Variants in IL12B observed in about 807,000 individuals in gnomAD.
The protein encoded by IL12B is interleukin-12 subunit beta.
In IL12B, 27 loss-of-function variants were observed where a neutral mutation model predicts 39.2. That is an observed-to-expected ratio of 0.69 (90% CI 0.51 to 0.95). The LOEUF is 0.95. IL12B is among the 40% of genes least tolerant of loss of function. The pLI, the probability that IL12B is intolerant of heterozygous loss-of-function variation, is 0.00. For missense variants in IL12B, 351 were observed against 397.6 expected (o/e 0.88, Z 1.00); for synonymous variants, 142 against 152.1 (o/e 0.93, Z 0.49).
intron 1 of IL12B, among the ~76,000 whole-genome samples, 184 bp downstream of exon 1, chr5:159,330,248 T>C (rs1754254802): frequency 6.6e-6 from 1 of 152,226 alleles, no homozygotes; most frequent in Admixed American, 6.5e-5. Flanking sequence ...ATGGACACTG[T>C]ACATCGGTCC....
At chr5:159,328,883 G>A (rs917504962) in intron 1 of IL12B, among the ~76,000 whole-genome samples, 3 of 152,210 alleles carry the variant, frequency 2.0e-5, no homozygotes, top group African/African-American at 7.2e-5. Flanking sequence ...ACAGAGCACT[G>A]TCCAGGAGAG....
chr5:159,323,132 C>A lies in IL12B; in HGVS notation c.286G>T (p.Val96Phe), dbSNP rs368468349. 8.7e-6 allele frequency: 14 copies of A among 1,614,050 alleles called. No homozygotes were observed. Among genetic ancestry groups the A allele is most frequent in the Admixed American group, 1.7e-5 (1 of 59,986 alleles). ...GQYTCHKGGE[V>F]LSHSLLLLHK... Reference sequence around the variant, plus strand: ...AGCAGCAGGAGCGAATGGCTTAGAACCTCGCCTCCTTTGTGACAGGTGTAC... The same window carrying A: ...AGCAGCAGGAGCGAATGGCTTAGAAACTCGCCTCCTTTGTGACAGGTGTAC... Residue 96 changes from valine to phenylalanine, a missense_variant, in exon 3 of 8, where the codon GTT (valine) becomes TTT (phenylalanine). Val to Phe is a conservative substitution (Grantham distance 50). Transcript: ENST00000231228.
intron 1 of IL12B, among the ~76,000 whole-genome samples, chr5:159,328,383 G>A (rs1754226613): frequency 1.3e-5 from 2 of 152,204 alleles, no homozygotes; most frequent in Non-Finnish European, 2.9e-5. Flanking sequence ...TTGCTGTTGA[G>A]CAGTGGGAGC....
chr5:159,321,081 C>T (rs114943991), intron 4 of IL12B, among the ~76,000 whole-genome samples: 1 of 151,636 alleles, frequency 6.6e-6, no homozygotes, highest in Non-Finnish European at 1.5e-5. Flanking sequence ...CCCACTGTAG[C>T]CTCAAACTCC....
intron 3 of IL12B, 37 bp from the exon 4 acceptor site, chr5:159,322,548 G>T: frequency 7.4e-7 from 1 of 1,351,666 alleles, no homozygotes; most frequent in Non-Finnish European, 1.1e-6. Context: ...ATATTTAGGA[G>T]TTTTTTGCAG....
intron 1 of IL12B, among the ~76,000 whole-genome samples, chr5:159,328,467 G>T (rs2546892): frequency 5.9e-5 from 9 of 152,050 alleles, no homozygotes; most frequent in African/African-American, 9.7e-5. Context: ...TATCTCAAAG[G>T]CTTGTTGGGA....
At position 159,320,425 on chromosome 5, in the gene IL12B, C is replaced by T; in HGVS notation, c.578G>A (p.Cys193Tyr). 6.2e-7 allele frequency: 1 copy of T among 1,614,118 alleles called. No homozygotes were observed. Residue 193 changes from cysteine to tyrosine, a missense_variant, in exon 5 of 8, where the codon TGC becomes TAC. Physicochemically the swap from Cys to Tyr is radical, Grantham distance 194 (BLOSUM62 -2). Coordinates refer to ENST00000231228, the MANE Select transcript of IL12B (RefSeq NM_002187.3). Reference protein sequence around the residue: ...DNKEYEYSVECQEDSACPAAE... With the variant: ...DNKEYEYSVEYQEDSACPAAE... ...AGCTGGGCAGGCACTGTCCTCCTGG[C>T]ACTCCACTGAGTACTCATACTCCTT...
At chr5:159,320,578 A>T (rs932494539) in intron 4 of IL12B, 58 bp from the exon 5 acceptor site, 59 of 1,433,158 alleles carry the variant, frequency 4.1e-5, no homozygotes, top group Middle Eastern at 2.3e-4. Context: ...GTTCCTAGTG[A>T]TTGTAGCCAG....
rs544918992 is a variant in IL12B, at chr5:159,328,639, T to C, written c.-1+1793A>G. 3.9e-5 allele frequency among the ~76,000 whole-genome samples: 6 copies of C among 152,288 alleles called. No individual in the cohort carries two copies. The South Asian group carries it at 1.2e-3, about 32-fold the overall frequency. On this transcript the variant is annotated intron_variant, in intron 1 of 7. Transcript: ENST00000231228. Reference sequence around the variant, plus strand: ...GAAATGTGCACAGAGGTACTGCAATTACATGCGCCTGTAAAACCCAGAGGC... The same window carrying C: ...GAAATGTGCACAGAGGTACTGCAATCACATGCGCCTGTAAAACCCAGAGGC...
chr5:159,316,660 G>A (rs1209342928), intron 7 of IL12B, 25 bp downstream of exon 7: 48 of 1,605,306 alleles, frequency 3.0e-5, no homozygotes, highest in Non-Finnish European at 3.7e-5. Context: ...TGCAGGCCTG[G>A]GCTGGCCTTT....
At chr5:159,329,460 C>T (rs1754242569) in intron 1 of IL12B, among the ~76,000 whole-genome samples, 1 of 152,156 alleles carries the variant, frequency 6.6e-6, no homozygotes. Flanking sequence ...TGCTCCCCTC[C>T]TTCCACAGCA....
intron 1 of IL12B, among the ~76,000 whole-genome samples, chr5:159,327,428 T>A (rs1357958983): frequency 6.6e-6 from 1 of 152,214 alleles, no homozygotes; most frequent in Admixed American, 6.5e-5. Context: ...ACTTTCAGGT[T>A]CTGGCAACGA....
intron 5 of IL12B, among the ~76,000 whole-genome samples, chr5:159,319,975 T>C (rs1754058505): frequency 6.6e-6 from 1 of 152,194 alleles, no homozygotes; most frequent in Non-Finnish European, 1.5e-5. Flanking sequence ...TGAATATGAA[T>C]ATTATGCTTG....
chr5:159,324,594 A>C (rs1754156936), intron 2 of IL12B, among the ~76,000 whole-genome samples: 1 of 152,210 alleles, frequency 6.6e-6, no homozygotes, highest in Non-Finnish European at 1.5e-5. Flanking sequence ...GAGAGCCTGC[A>C]TTTTGGAGTG....
chr5:159,315,735 T>C lies in IL12B; in HGVS notation c.*366A>G, dbSNP rs1753978754. On this transcript the variant is annotated 3_prime_UTR_variant, in exon 8 of 8. Coordinates refer to ENST00000231228, the MANE Select transcript of IL12B (RefSeq NM_002187.3). Reference sequence around the variant, plus strand: ...TACAAATAAAATTAAATTCACATTTTGCATAATAGGGACTGATCCTGATGG... The same window carrying C: ...TACAAATAAAATTAAATTCACATTTCGCATAATAGGGACTGATCCTGATGG... 6.5e-6 allele frequency: 1 copy of C among 152,752 alleles called. No individual in the cohort carries two copies. The highest frequency in any genetic ancestry group is 6.5e-5 in the Admixed American group (1 of 15,286). The allele number at this position is 152,752 out of a possible 1,614,324, so 9.5% of individuals were successfully genotyped here.
chr5:159,325,086 G>T (rs1754163319), intron 2 of IL12B, among the ~76,000 whole-genome samples: 1 of 152,140 alleles, frequency 6.6e-6, no homozygotes, highest in East Asian at 1.9e-4. Context: ...GAAAACAGCT[G>T]CAGGAGGAAA....
At chr5:159,325,328 AAG>A (rs776651507) in intron 2 of IL12B, among the ~76,000 whole-genome samples, 1 of 152,180 alleles carries the variant, frequency 6.6e-6, no homozygotes, top group Non-Finnish European at 1.5e-5. Flanking sequence ...GCCTTTACTT[AAG>A]AGAGTGTCTA....
intron 1 of IL12B, among the ~76,000 whole-genome samples, chr5:159,327,448 C>A (rs1299489840): frequency 6.6e-6 from 1 of 152,184 alleles, no homozygotes; most frequent in Non-Finnish European, 1.5e-5. Context: ...ACCTGGTCAC[C>A]AGCCCTTGCT....
chr5:159,320,222 C>T, intron 5 of IL12B, 84 bp downstream of exon 5: 5 of 1,159,018 alleles, frequency 4.3e-6, no homozygotes, highest in Non-Finnish European at 5.2e-6. Context: ...TGTCAACCAC[C>T]TACCCCACAG....
Sources: allele counts gnomAD v4.1 joint callset (sites outside exome capture counted in the v4.1 genomes callset), GRCh38; gene constraint gnomAD v4.1.1; transcripts MANE v1.5; gene names NCBI Gene and HGNC (gene_info 2026-07-23, HGNC 2026-07-21).